The following FMN1 variants were observed in gnomAD, a reference collection of about 807,000 sequenced individuals.
The protein encoded by FMN1 is formin 1.
In FMN1, 110 loss-of-function variants were observed where a neutral mutation model predicts 132.4. The observed-to-expected ratio is 0.83, with a 90% CI of 0.71 to 0.97. FMN1 has a LOEUF of 0.97. Ranked by LOEUF, FMN1 falls within the 50% of genes least tolerant of loss-of-function variation. The pLI is 0.00. For synonymous variants in FMN1, 722 were observed against 651.7 expected, an observed-to-expected ratio of 1.11 and a Z score of -1.64; for missense variants, 1,792 against 1,705.3, an observed-to-expected ratio of 1.05 and a Z score of -0.90.
intron 17 of FMN1, among the ~76,000 whole-genome samples, chr15:32,812,216 T>C (rs1422197587): frequency 6.6e-6 from 1 of 152,164 alleles, no homozygotes; most frequent in Non-Finnish European, 1.5e-5. Context: ...GCCAACTCAT[T>C]ACACACAATG....
At chr15:33,071,021 C>A (rs999978034) in intron 5 of FMN1, among the ~76,000 whole-genome samples, 3 of 152,202 alleles carry the variant, frequency 2.0e-5, no homozygotes, top group African/African-American at 7.2e-5. Flanking sequence ...CCCAGAGGCT[C>A]CACTTCCTTC....
chr15:32,983,878 G>C (rs1267714591), intron 7 of FMN1, among the ~76,000 whole-genome samples: 1 of 152,190 alleles, frequency 6.6e-6, no homozygotes, highest in South Asian at 2.1e-4. Context: ...GACAGGATCA[G>C]TAGTAATCCT....
intron 5 of FMN1, among the ~76,000 whole-genome samples, chr15:33,082,720 ACTT>A (rs1256215878): frequency 6.6e-6 from 1 of 152,164 alleles, no homozygotes; most frequent in East Asian, 1.9e-4. Flanking sequence ...CTTCAGGCTA[ACTT>A]CTTAATATTC....
intron 16 of FMN1, among the ~76,000 whole-genome samples, chr15:32,857,894 A>G (rs1327715974): frequency 1.3e-5 from 2 of 152,216 alleles, no homozygotes; most frequent in Admixed American, 1.3e-4. Flanking sequence ...CATCTCCCCA[A>G]GGTTCCTATG....
At chr15:33,092,011 T>G (rs1170983562) in intron 4 of FMN1, among the ~76,000 whole-genome samples, 2 of 152,224 alleles carry the variant, frequency 1.3e-5, no homozygotes, top group African/African-American at 2.4e-5. Flanking sequence ...TATTAGTTAT[T>G]TTGTTCCTCA....
At chr15:32,949,996 C>CATATAT (rs2061601854) in intron 9 of FMN1, among the ~76,000 whole-genome samples, 1 of 5,874 alleles carries the variant, frequency 1.7e-4, no homozygotes, top group African/African-American at 5.2e-4. Context: ...CATATATATA[C>CATATAT]ACATACACAT....
intron 3 of FMN1, among the ~76,000 whole-genome samples, chr15:33,156,056 A>G (rs1367613797): frequency 6.6e-6 from 1 of 152,170 alleles, no homozygotes; most frequent in Non-Finnish European, 1.5e-5. Flanking sequence ...GGTTTTTTCT[A>G]ACTGCTTCTA....
chr15:32,981,985 G>C (rs1404180536), intron 7 of FMN1, among the ~76,000 whole-genome samples: 1 of 151,934 alleles, frequency 6.6e-6, no homozygotes, highest in African/African-American at 2.4e-5. Flanking sequence ...ACAAATAACG[G>C]ACACAGGACT....
At chr15:33,012,048 A>C in intron 6 of FMN1, 1 of 316,274 alleles carries the variant, frequency 3.2e-6, no homozygotes, top group South Asian at 3.8e-5. Context: ...ATAAGTAACA[A>C]AACTATGAAG....
intron 5 of FMN1, among the ~76,000 whole-genome samples, chr15:33,077,780 T>A: frequency 2.7e-5 from 3 of 110,794 alleles, no homozygotes. Context: ...TACAAAGAAC[T>A]CAAACAAATT....
intron 4 of FMN1, among the ~76,000 whole-genome samples, chr15:33,127,449 C>G (rs188116326): frequency 1.3e-5 from 2 of 152,292 alleles, no homozygotes; most frequent in South Asian, 4.1e-4. Context: ...GAACCTACAT[C>G]TAACTGTAAA....
At chr15:32,960,888 G>A (rs1178960067) in intron 9 of FMN1, among the ~76,000 whole-genome samples, 2 of 150,582 alleles carry the variant, frequency 1.3e-5, no homozygotes, top group East Asian at 2.0e-4. Flanking sequence ...CTAGCTACTC[G>A]GGAGGCTGAA....
intron 6 of FMN1, among the ~76,000 whole-genome samples, chr15:33,026,077 G>A (rs2035652085): frequency 6.8e-6 from 1 of 147,932 alleles, no homozygotes; most frequent in African/African-American, 2.5e-5. Flanking sequence ...AAAAACCCAT[G>A]CTATATATTG....
chr15:32,793,130 G>C (rs935762250), intron 19 of FMN1, among the ~76,000 whole-genome samples: 3 of 152,054 alleles, frequency 2.0e-5, no homozygotes, highest in Non-Finnish European at 4.4e-5. Context: ...CAAGAGGTGT[G>C]TATAGTTTTT....
chr15:33,189,094 G>A (rs748619446), intron 2 of FMN1, among the ~76,000 whole-genome samples: 3 of 152,034 alleles, frequency 2.0e-5, no homozygotes, highest in East Asian at 1.9e-4. Flanking sequence ...AATTGTTTTC[G>A]GAGGTTAAAA....
Position 32,978,099 on chromosome 15 carries a change from C to T in FMN1, c.2224-8622G>A, listed in dbSNP as rs191365976. On this transcript the variant is annotated intron_variant, in intron 7 of 20. Transcript: ENST00000616417. ...CTCAATCTCTTGACCTCGTGATCCC[C>T]TGCCTCAGCCTCCCAAAGTGCTGGG... 5.3e-3 allele frequency among the ~76,000 whole-genome samples: 809 copies of T among 152,202 alleles called. 9 individuals are homozygous for T. Among genetic ancestry groups the T allele is most frequent in the African/African-American group, 0.019 (771 of 41,532 alleles).
intron 14 of FMN1, 119 bp from the exon 15 acceptor site, chr15:32,899,012 G>A (rs756460687): frequency 1.0e-5 from 7 of 679,968 alleles, no homozygotes; most frequent in East Asian, 5.2e-5. Context: ...CTTTCTCTTC[G>A]ATGCTGGCAA....
chr15:33,047,383 A>C (rs1232969333), intron 6 of FMN1, among the ~76,000 whole-genome samples: 1 of 152,212 alleles, frequency 6.6e-6, no homozygotes, highest in Non-Finnish European at 1.5e-5. Context: ...AAAGCGAGAA[A>C]TATTGGCCAC....
intron 6 of FMN1, among the ~76,000 whole-genome samples, chr15:33,062,404 G>A (rs550739367): frequency 3.3e-5 from 5 of 152,180 alleles, no homozygotes; most frequent in South Asian, 2.1e-4. Flanking sequence ...GGGGGATCAC[G>A]AGGTCAAGAG....
Sources: allele counts gnomAD v4.1 joint callset (sites outside exome capture counted in the v4.1 genomes callset), GRCh38; gene constraint gnomAD v4.1.1; transcripts MANE v1.5; gene names NCBI Gene and HGNC (gene_info 2026-07-23, HGNC 2026-07-21).